Variants in EEFSEC observed in about 807,000 individuals in gnomAD.
EEFSEC encodes the protein eukaryotic elongation factor, selenocysteine-tRNA specific.
Under a neutral mutation model 42.1 loss-of-function variants are expected in EEFSEC, and 43 were observed. The observed-to-expected ratio is 1.02, with a 90% CI of 0.80 to 1.32. The LOEUF is 1.32. Ranked by LOEUF, EEFSEC falls within the 40% of genes most tolerant of loss-of-function variation. The pLI is 0.00. For synonymous variants in EEFSEC, 354 were observed against 339.1 expected, an observed-to-expected ratio of 1.04 and a Z score of -0.48; for missense variants, 745 against 803.6, an observed-to-expected ratio of 0.93 and a Z score of 0.88.
At chr3:128,174,668 T>G (rs2065330493) in intron 1 of EEFSEC, among the ~76,000 whole-genome samples, 1 of 152,144 alleles carries the variant, frequency 6.6e-6, no homozygotes, top group South Asian at 2.1e-4. Context: ...TTCACCTGTT[T>G]AAAACAGGAG....
intron 5 of EEFSEC, among the ~76,000 whole-genome samples, chr3:128,354,320 C>G (rs1365490298): frequency 1.3e-5 from 2 of 152,182 alleles, no homozygotes; most frequent in Non-Finnish European, 2.9e-5. Flanking sequence ...AGAGACACTC[C>G]CTTTGAACTT....
At chr3:128,180,502 T>A (rs1450634796) in intron 1 of EEFSEC, among the ~76,000 whole-genome samples, 5 of 152,242 alleles carry the variant, frequency 3.3e-5, no homozygotes, top group African/African-American at 4.8e-5. Context: ...GAGAAGAGGT[T>A]ACTTAACACA....
At chr3:128,252,786 C>T (rs2066201303) in intron 2 of EEFSEC, among the ~76,000 whole-genome samples, 1 of 152,162 alleles carries the variant, frequency 6.6e-6, no homozygotes, top group African/African-American at 2.4e-5. Flanking sequence ...CATACACAGT[C>T]AGCACGTCTA....
intron 6 of EEFSEC, among the ~76,000 whole-genome samples, chr3:128,379,366 C>T (rs146973521): frequency 2.0e-5 from 3 of 152,194 alleles, no homozygotes; most frequent in Non-Finnish European, 4.4e-5. Context: ...ACTGTTACAA[C>T]AGTGTTTATA....
At position 128,358,195 on chromosome 3, in the gene EEFSEC, G is replaced by C. The variant is rs780487014; in HGVS notation, c.1444-22G>C. ...TGTGCACCACTAATGCCCTCTCTCTGTGGCTGGGTGTGTGGGGACAGGCGA... is the reference window on the plus strand; with the variant it reads ...TGTGCACCACTAATGCCCTCTCTCTCTGGCTGGGTGTGTGGGGACAGGCGA... On this transcript the variant is annotated intron_variant, in intron 5 of 6. Coordinates refer to ENST00000254730, the MANE Select transcript of EEFSEC (RefSeq NM_021937.5). 9.4e-5 allele frequency: 151 copies of C among 1,611,938 alleles called. No individual in the cohort carries two copies. In the East Asian group the frequency reaches 3.3e-3, roughly 35 times the overall value.
intron 1 of EEFSEC, among the ~76,000 whole-genome samples, chr3:128,163,222 G>C (rs987426398): frequency 6.6e-6 from 1 of 152,108 alleles, no homozygotes; most frequent in Non-Finnish European, 1.5e-5. Flanking sequence ...GTCTTGGTGG[G>C]GGTAGAGCCT....
intron 6 of EEFSEC, among the ~76,000 whole-genome samples, chr3:128,380,094 G>A (rs2067756782): frequency 6.6e-6 from 1 of 152,186 alleles, no homozygotes; most frequent in Non-Finnish European, 1.5e-5. Context: ...TGACCACAGA[G>A]CTCTGGCTGG....
rs191855027 is a variant in EEFSEC at position 128,374,316 on chromosome 3, G to T, written c.1600+15943G>T. Among the ~76,000 whole-genome samples, 718 of 152,092 alleles carry T rather than the reference G, an allele frequency of 4.7e-3. 2 individuals carry two copies. Among genetic ancestry groups the T allele is most frequent in the Non-Finnish European group, 8.6e-3 (588 of 68,026 alleles). The stretch of plus-strand genomic sequence containing the variant: ...CCCCTCGCCTCCAAGGGCTGTGCTT[G>T]TAGACTTGTGTAAGCGGACCGTGCT... On this transcript the variant is annotated intron_variant, in intron 6 of 6. Transcript: ENST00000254730.
At chr3:128,280,129 TG>T (rs1394382666) in intron 4 of EEFSEC, among the ~76,000 whole-genome samples, 1 of 152,236 alleles carries the variant, frequency 6.6e-6, no homozygotes, top group Non-Finnish European at 1.5e-5. Context: ...ATGTATGATT[TG>T]GTCCCATTAT....
chr3:128,365,114 G>A (rs1056762037), intron 6 of EEFSEC, among the ~76,000 whole-genome samples: 4 of 152,218 alleles, frequency 2.6e-5, no homozygotes, highest in African/African-American at 9.7e-5. Flanking sequence ...GGCTCAGCAT[G>A]GTATCCCATC....
chr3:128,320,914 C>T (rs1486737961), intron 4 of EEFSEC, among the ~76,000 whole-genome samples: 5 of 152,214 alleles, frequency 3.3e-5, no homozygotes, highest in African/African-American at 2.4e-5. Context: ...ACTCTGGGCC[C>T]CAGTTTGGTC....
At chr3:128,166,822 C>A (rs1006984588) in intron 1 of EEFSEC, among the ~76,000 whole-genome samples, 1 of 152,188 alleles carries the variant, frequency 6.6e-6, no homozygotes, top group East Asian at 1.9e-4. Context: ...TTCCCATCAC[C>A]ACAGCTGCGA....
intron 1 of EEFSEC, among the ~76,000 whole-genome samples, chr3:128,210,851 A>C (rs2065748606): frequency 6.6e-6 from 1 of 152,222 alleles, no homozygotes; most frequent in African/African-American, 2.4e-5. Flanking sequence ...AGACTTAGGC[A>C]TCAGGCCAGC....
In EEFSEC at chr3:128,221,821, G is replaced by A. The variant is rs887009538; in HGVS notation, c.317-25015G>A. On this transcript the variant is annotated intron_variant, in intron 1 of 6. Transcript: ENST00000254730. ...AATTTAAAATAAGAATATTTGAAAT[G>A]TAAATAAAGGAATAGAAATTATAGC... 1.8e-4 allele frequency among the ~76,000 whole-genome samples: 27 copies of A among 152,098 alleles called. 1 individual carries two copies. Among genetic ancestry groups the A allele is most frequent in the Non-Finnish European group, 1.5e-5 (1 of 68,014 alleles).
At chr3:128,293,050 TAA>T (rs964965638) in intron 4 of EEFSEC, among the ~76,000 whole-genome samples, 4 of 152,270 alleles carry the variant, frequency 2.6e-5, no homozygotes, top group Non-Finnish European at 5.9e-5. Flanking sequence ...GGGTTATTTA[TAA>T]GTGTTCTTCT....
chr3:128,258,096 A>G (rs747320639), intron 2 of EEFSEC, among the ~76,000 whole-genome samples: 22 of 152,190 alleles, frequency 1.4e-4, no homozygotes, highest in Admixed American at 4.6e-4. Context: ...CACAAATTTG[A>G]CAAAGCTTGT....
At chr3:128,378,942 C>G (rs1395337962) in intron 6 of EEFSEC, among the ~76,000 whole-genome samples, 2 of 152,172 alleles carry the variant, frequency 1.3e-5, no homozygotes, top group Non-Finnish European at 2.9e-5. Flanking sequence ...ACTGGTCGGC[C>G]AGGGAGACTC....
At chr3:128,222,025 GTTTTTTTTTTT>G (rs60162922) in intron 1 of EEFSEC, among the ~76,000 whole-genome samples, 3 of 96,350 alleles carry the variant, frequency 3.1e-5, no homozygotes, top group African/African-American at 4.7e-5. Context: ...TTTTTTCAAA[GTTTTTTTTTTT>G]TTTTTTTTTT....
the EEFSEC span, among the ~76,000 whole-genome samples, chr3:128,422,351 CAG>C: frequency 4.6e-5 from 7 of 152,346 alleles, no homozygotes; most frequent in East Asian, 1.4e-3. Flanking sequence ...ACTGCTCTGT[CAG>C]GGGGATCATG....
Sources: allele counts gnomAD v4.1 joint callset (sites outside exome capture counted in the v4.1 genomes callset), GRCh38; gene constraint gnomAD v4.1.1; transcripts MANE v1.5; gene names NCBI Gene and HGNC (gene_info 2026-07-23, HGNC 2026-07-21).